Variants in PCCB observed in about 807,000 individuals in gnomAD.
PCCB encodes propionyl-CoA carboxylase subunit beta, also known as propionyl-CoA carboxylase beta chain, mitochondrial.
A neutral mutation model predicts 60.7 loss-of-function variants in PCCB; 43 were observed. The observed-to-expected ratio is 0.71, with a 90% CI of 0.55 to 0.91. The LOEUF is 0.91. Among genes scored for constraint, PCCB ranks in the 40% least tolerant of loss-of-function variants. PCCB has a pLI of 0.00. For missense variants in PCCB, 766 were observed against 702.8 expected (o/e 1.09, Z -1.02); for synonymous variants, 276 against 255.9 (o/e 1.08, Z -0.75).
chr3:136,260,457 C>T, intron 3 of PCCB, 22 bp from the exon 4 acceptor site: 1 of 1,602,206 alleles, frequency 6.2e-7, no homozygotes, highest in Non-Finnish European at 8.5e-7. Context: ...ATTTGACTTG[C>T]TGATTTGTAT....
At position 136,306,667 on chromosome 3, in the gene PCCB, T is replaced by C. The variant is rs1374886369; in HGVS notation, c.966+5556T>C. On this transcript the variant is annotated intron_variant, in intron 9 of 14. Transcript: ENST00000251654. ...TTTAAAATAGTACAGATACCTTTAATACAATTATTGGTTATATTGTCACAT... is the reference window on the plus strand; with the variant it reads ...TTTAAAATAGTACAGATACCTTTAACACAATTATTGGTTATATTGTCACAT... Among the ~76,000 whole-genome samples the C allele has an allele frequency of 1.6e-5, 2 of 122,396 alleles. 1 individual carries two copies. The highest frequency in any genetic ancestry group is 3.6e-5 in the Non-Finnish European group (2 of 54,928). The allele number at this position is 122,396 out of a possible 152,430, so 80.3% of individuals were successfully genotyped here.
rs535931526 is a variant in PCCB, at chr3:136,304,525, G to C, written c.966+3414G>C. The stretch of plus-strand genomic sequence containing the variant: ...GCCACCCAAGTAGCAGGGACTACAG[G>C]CACCCACCACCATGCCTGGCTAATT... On this transcript the variant is annotated intron_variant, in intron 9 of 14. Coordinates refer to ENST00000251654, the MANE Select transcript of PCCB (RefSeq NM_000532.5). Among the ~76,000 whole-genome samples the C allele has an allele frequency of 5.7e-4, 68 of 118,602 alleles. 6 individuals are homozygous for C. The highest frequency in any genetic ancestry group is 1.7e-3 in the African/African-American group (65 of 39,384). 77.8% of individuals were successfully genotyped at this position (118,602 alleles called of 152,430 possible). A position where few individuals can be genotyped will look rare whatever the true frequency, so the allele number is the denominator to read the frequency against.
chr3:136,262,453 C>T (rs1340674923), intron 5 of PCCB, among the ~76,000 whole-genome samples: 1 of 152,074 alleles, frequency 6.6e-6, no homozygotes, highest in Admixed American at 6.5e-5. Flanking sequence ...TAAAACACTA[C>T]AGGATTATTA....
chr3:136,301,460 C>T (rs921429021), intron 9 of PCCB, among the ~76,000 whole-genome samples: 14 of 151,944 alleles, frequency 9.2e-5, no homozygotes, highest in African/African-American at 1.7e-4. Flanking sequence ...TCATTGGGGC[C>T]CTCTGCTCAG....
chr3:136,307,917 G>A (rs1456787765), intron 9 of PCCB, among the ~76,000 whole-genome samples: 1 of 152,078 alleles, frequency 6.6e-6, no homozygotes, highest in Non-Finnish European at 1.5e-5. Flanking sequence ...AGAGGTTGTG[G>A]TGAGCCGAGA....
rs750931122 is a variant in PCCB at position 136,298,009 on chromosome 3, T to C, written c.821T>C (p.Phe274Ser). 7 of 1,614,142 alleles carry C rather than the reference T, an allele frequency of 4.3e-6. No individual in the cohort carries two copies. Among genetic ancestry groups the C allele is most frequent in the Non-Finnish European group, 4.2e-6 (5 of 1,179,968 alleles). ...GATGCCTTGTGTAATCTCCGGGATTTCTTCAACTACCTGCCCCTGAGCAGT... is the reference window on the plus strand; with the variant it reads ...GATGCCTTGTGTAATCTCCGGGATTCCTTCAACTACCTGCCCCTGAGCAGT... ...DVDALCNLRD[F>S]FNYLPLSSQD... The change falls in exon 8 of 15, where the codon TTC (phenylalanine) becomes TCC (serine). Residue 274 changes from phenylalanine to serine, a missense_variant. Coordinates refer to ENST00000251654, the MANE Select transcript of PCCB (RefSeq NM_000532.5).
At chr3:136,287,032 GAAA>G (rs767656015) in intron 6 of PCCB, among the ~76,000 whole-genome samples, 1 of 132,852 alleles carries the variant, frequency 7.5e-6, no homozygotes, top group Non-Finnish European at 1.6e-5. Flanking sequence ...CTCTGTCTCG[GAAA>G]AAAAAAAAAA....
intron 10 of PCCB, among the ~76,000 whole-genome samples, chr3:136,326,034 G>C (rs1055131590): frequency 2.0e-5 from 3 of 151,606 alleles, no homozygotes; most frequent in Non-Finnish European, 4.4e-5. Context: ...GGATGGTCTC[G>C]ATCTCTTGAC....
intron 9 of PCCB, among the ~76,000 whole-genome samples, chr3:136,302,386 G>A (rs951174206): frequency 4.1e-5 from 5 of 120,844 alleles, no homozygotes; most frequent in Admixed American, 1.0e-4. Flanking sequence ...TTGCCTGGGT[G>A]GGGAGACAGA....
chr3:136,269,960 C>T (rs1942144958), intron 5 of PCCB, among the ~76,000 whole-genome samples: 2 of 144,890 alleles, frequency 1.4e-5, no homozygotes, highest in South Asian at 2.2e-4. Context: ...AGCATTCATT[C>T]TTCACCATTA....
rs74330660 is a variant in PCCB, at chr3:136,329,089, T to G, written c.1498+232T>G. Reference sequence around the variant, plus strand: ...CCAAAGTGTATTAAATTTCTAGGTGTTGTTCCAGTTGTCTAGTGCTGTGCA... The same window carrying G: ...CCAAAGTGTATTAAATTTCTAGGTGGTGTTCCAGTTGTCTAGTGCTGTGCA... On this transcript the variant is annotated intron_variant, in intron 14 of 14. Coordinates refer to ENST00000251654, the MANE Select transcript of PCCB (RefSeq NM_000532.5). Among the ~76,000 whole-genome samples the G allele has an allele frequency of 3.4e-3, 512 of 152,368 alleles. 7 individuals carry two copies. The East Asian group carries it at 0.047, about 14-fold the overall frequency.
intron 5 of PCCB, among the ~76,000 whole-genome samples, chr3:136,278,388 G>A (rs1036812099): frequency 1.3e-5 from 2 of 152,058 alleles, no homozygotes; most frequent in African/African-American, 2.4e-5. Flanking sequence ...TTCCTGCGTG[G>A]CTTCTTGGAA....
chr3:136,273,590 C>CTTTTTTTTTTTTT (rs1942257481), intron 5 of PCCB, among the ~76,000 whole-genome samples: 13 of 65,630 alleles, frequency 2.0e-4, no homozygotes, highest in Admixed American at 3.2e-4. Flanking sequence ...TTTTTTTTTT[C>CTTTTTTTTTTTTT]TTTTTTCTTT....
At chr3:136,287,854 T>G (rs1217213879) in intron 6 of PCCB, among the ~76,000 whole-genome samples, 9 of 152,240 alleles carry the variant, frequency 5.9e-5, no homozygotes, top group African/African-American at 2.2e-4. Context: ...TGTGTCTTGG[T>G]GCGCACATTT....
intron 5 of PCCB, among the ~76,000 whole-genome samples, chr3:136,265,466 T>C (rs903837776): frequency 2.6e-5 from 4 of 152,240 alleles, no homozygotes; most frequent in African/African-American, 9.6e-5. Flanking sequence ...TTCATTTATA[T>C]TGTAATATGT....
Position 136,305,758 on chromosome 3 carries a change from AAAAG to A in PCCB, c.966+4655_966+4658del, listed in dbSNP as rs1332442850. ...GTGAAACTGTCTCTAAAAAAAAAAA[AAAAG>A]AAAGAAAAAAAGTGAATATGCTAGA... On this transcript the variant is annotated intron_variant, in intron 9 of 14. Transcript: ENST00000251654. 7.5e-5 allele frequency among the ~76,000 whole-genome samples: 9 copies of A among 119,902 alleles called. 3 individuals are homozygous for A. Among genetic ancestry groups the A allele is most frequent in the African/African-American group, 1.5e-4 (6 of 39,726 alleles). 78.7% of individuals were successfully genotyped at this position (119,902 alleles called of 152,430 possible).
intron 3 of PCCB, among the ~76,000 whole-genome samples, chr3:136,259,910 G>A (rs887704325): frequency 3.3e-5 from 5 of 151,690 alleles, no homozygotes; most frequent in African/African-American, 4.8e-5. Flanking sequence ...ACACCACCAC[G>A]CCCAGCTAAT....
intron 10 of PCCB, among the ~76,000 whole-genome samples, chr3:136,322,921 C>A (rs1368331175): frequency 2.6e-5 from 4 of 151,186 alleles, no homozygotes; most frequent in Admixed American, 2.6e-4. Flanking sequence ...AATATGTTAT[C>A]CTGCTGTCTC....
At chr3:136,327,123 G>C (rs1935348226) in intron 11 of PCCB, 32 bp from the exon 12 acceptor site, 9 of 1,589,338 alleles carry the variant, frequency 5.7e-6, no homozygotes, top group Admixed American at 1.7e-5. Context: ...GTGAGGACTT[G>C]TGGGTATCTA....
Sources: allele counts gnomAD v4.1 joint callset (sites outside exome capture counted in the v4.1 genomes callset), GRCh38; gene constraint gnomAD v4.1.1; transcripts MANE v1.5; gene names NCBI Gene and HGNC (gene_info 2026-07-23, HGNC 2026-07-21).